Variants in SYNE1 observed in about 807,000 individuals in gnomAD.
The protein encoded by SYNE1 is spectrin repeat containing nuclear envelope protein 1.
A neutral mutation model predicts 1,111.0 loss-of-function variants in SYNE1; 616 were observed. The observed-to-expected ratio is 0.55, with a 90% CI of 0.52 to 0.59. SYNE1 has a LOEUF of 0.59. Among genes scored for constraint, SYNE1 ranks in the 20% least tolerant of loss-of-function variants. The pLI, the probability that SYNE1 is intolerant of heterozygous loss-of-function variation, is 0.00. For synonymous variants in SYNE1, 3,855 were observed against 3,825.8 expected (o/e 1.01, Z -0.28); for missense variants, 10,006 against 10,417.0 (o/e 0.96, Z 1.72).
chr6:152,122,758 A>C (rs1280559848), intron 145 of SYNE1, 82 bp from the exon 146 acceptor site: 34 of 1,599,904 alleles, frequency 2.1e-5, no homozygotes, highest in Admixed American at 3.3e-5. Flanking sequence ...CCTTCCTGGA[A>C]GCTAAAGGGC....
chr6:152,564,701 A>G (rs113468490), intron 3 of SYNE1, among the ~76,000 whole-genome samples: 56 of 143,212 alleles, frequency 3.9e-4, no homozygotes, highest in East Asian at 1.9e-3. Flanking sequence ...ATTTCTAGGG[A>G]AAAAAAAATC....
chr6:152,434,812 A>G (rs2098458523), intron 33 of SYNE1: 1 of 152,164 alleles, frequency 6.6e-6, no homozygotes, highest in Non-Finnish European at 1.5e-5. Flanking sequence ...AGGCACTTGA[A>G]GACATCAAGA....
chr6:152,323,587 T>C lies in SYNE1; in HGVS notation c.15808A>G (p.Met5270Val), dbSNP rs1415096430. 2 of 1,614,232 alleles carry C rather than the reference T, an allele frequency of 1.2e-6. No individual in the cohort carries two copies. Among genetic ancestry groups the C allele is most frequent in the South Asian group, 1.1e-5 (1 of 91,086 alleles). The part of the protein sequence containing the change: ...ELEQQQSALG[M>V]LRQQTLSMLQ... Reference sequence around the variant, plus strand: ...ATGCTCAGGGTTTGCTGCCGCAGCATGCCCAAGGCCGACTGCTGCTGCTCC... The same window carrying C: ...ATGCTCAGGGTTTGCTGCCGCAGCACGCCCAAGGCCGACTGCTGCTGCTCC... Residue 5270 changes from methionine to valine, a missense_variant, in exon 82 of 146, where the codon ATG becomes GTG. Around this residue, in one of 7 missense-constraint regions of SYNE1, gnomAD observed 4,955 missense variants for 5,017.2 expected, o/e 0.99. Transcript: ENST00000367255.
chr6:152,509,248 C>CTTTTTTTTTTT (rs11305679), intron 8 of SYNE1, among the ~76,000 whole-genome samples: 6 of 75,756 alleles, frequency 7.9e-5, no homozygotes, highest in Non-Finnish European at 1.1e-4. Flanking sequence ...TTTTCTTTTT[C>CTTTTTTTTTTT]TTTTTTTTTT....
In SYNE1 at chr6:152,442,146, C is replaced by T. The variant is rs781736669; in HGVS notation, c.3937G>A (p.Glu1313Lys). 13 of 1,612,112 alleles carry T rather than the reference C, an allele frequency of 8.1e-6. No individual in the cohort carries two copies. Among genetic ancestry groups the T allele is most frequent in the Middle Eastern group, 1.7e-4 (1 of 6,058 alleles). Residue 1313 changes from glutamate (E) to lysine (K), a missense_variant, in exon 31 of 146, where the codon GAG becomes AAG. This residue lies in a region of SYNE1 where 1,971 missense variants were observed against 2,084.1 expected (regional missense o/e 0.95). Coordinates refer to ENST00000367255, the MANE Select transcript of SYNE1 (RefSeq NM_182961.4). Reference protein sequence around the residue: ...EGGLPDRGHEELRKLESTLDG... With the variant: ...EGGLPDRGHEKLRKLESTLDG... Reference sequence around the variant, plus strand: ...AGTGTGCTCTCCAGCTTCCGCAGCTCCTCGTGGCCTCGGTCAGGCAGCCCC... The same window carrying T: ...AGTGTGCTCTCCAGCTTCCGCAGCTTCTCGTGGCCTCGGTCAGGCAGCCCC...
At chr6:152,607,894 G>A (rs1271449321) in intron 3 of SYNE1, among the ~76,000 whole-genome samples, 1 of 152,204 alleles carries the variant, frequency 6.6e-6, no homozygotes, top group Non-Finnish European at 1.5e-5. Flanking sequence ...GGATATGAAT[G>A]AAGCTGGAAG....
At chr6:152,266,641 T>G (rs563936134) in intron 100 of SYNE1, among the ~76,000 whole-genome samples, 1 of 152,218 alleles carries the variant, frequency 6.6e-6, no homozygotes, top group East Asian at 1.9e-4. Context: ...ATACTATTCA[T>G]TCCTATTCTT....
chr6:152,185,439 T>C (rs1412291182), intron 128 of SYNE1: 1 of 152,188 alleles, frequency 6.6e-6, no homozygotes, highest in East Asian at 1.9e-4. Flanking sequence ...TCATTTCCTT[T>C]TGTGGTTTCA....
At chr6:152,285,059 C>A (rs73007766) in intron 95 of SYNE1, among the ~76,000 whole-genome samples, 7,342 of 152,232 alleles carry the variant, frequency 0.048, 248 homozygotes, top group Non-Finnish European at 0.072. Flanking sequence ...ACCCAGACAC[C>A]TGCCCTAAGT....
chr6:152,310,667 C>CTTTTTTT, intron 88 of SYNE1, 21 bp downstream of exon 88: 2 of 1,509,530 alleles, frequency 1.3e-6, no homozygotes, highest in Non-Finnish European at 1.8e-6. Flanking sequence ...TTTTCTGTTT[C>CTTTTTTT]TTTTTTTTTT....
At position 152,284,088 on chromosome 6, in the gene SYNE1, A is replaced by G. The variant is rs2094185006; in HGVS notation, c.18097T>C (p.Cys6033Arg). ...SLAEELVSES[C>R]EADPAEQLAL... ...AGCTGCTCCGCAGGGTCGGCCTCACAAGACTCGGATACCAGCTCCTCTGCG... is the reference window on the plus strand; with the variant it reads ...AGCTGCTCCGCAGGGTCGGCCTCACGAGACTCGGATACCAGCTCCTCTGCG... The change falls in exon 96 of 146, where the codon TGT (cysteine) becomes CGT (arginine). Residue 6033 changes from cysteine to arginine, a missense_variant. Coordinates refer to ENST00000367255, the MANE Select transcript of SYNE1 (RefSeq NM_182961.4). 2.5e-6 allele frequency: 4 copies of G among 1,614,066 alleles called. No homozygotes were observed. Among genetic ancestry groups the G allele is most frequent in the Non-Finnish European group, 3.4e-6 (4 of 1,180,036 alleles).
intron 63 of SYNE1, among the ~76,000 whole-genome samples, chr6:152,364,535 A>T (rs1303473190): frequency 6.6e-6 from 1 of 152,010 alleles, no homozygotes; most frequent in Non-Finnish European, 1.5e-5. Flanking sequence ...TTGGCACAGT[A>T]TTCAGGTCAA....
chr6:152,445,339 C>T (rs1005208996), intron 29 of SYNE1, among the ~76,000 whole-genome samples: 15 of 151,988 alleles, frequency 9.9e-5, no homozygotes, highest in Non-Finnish European at 2.1e-4. Flanking sequence ...ATATAATTTA[C>T]AATTTTGTAG....
intron 3 of SYNE1, among the ~76,000 whole-genome samples, chr6:152,570,850 A>G (rs925372384): frequency 6.6e-6 from 1 of 152,172 alleles, no homozygotes; most frequent in African/African-American, 2.4e-5. Flanking sequence ...AGCAAACAAA[A>G]AAACTCCTAC....
intron 3 of SYNE1, among the ~76,000 whole-genome samples, chr6:152,581,448 T>A (rs570765890): frequency 2.3e-4 from 35 of 152,292 alleles, no homozygotes; most frequent in Admixed American, 8.5e-4. Context: ...AAGTAGCCAC[T>A]GCATCCTAAA....
chr6:152,305,519 T>TC (rs1236094122), intron 91 of SYNE1, among the ~76,000 whole-genome samples: 4 of 152,138 alleles, frequency 2.6e-5, no homozygotes, highest in African/African-American at 9.7e-5. Context: ...CGCCTTGGCC[T>TC]CCGAAAAGTA....
At chr6:152,276,527 G>C (rs2093637186) in intron 98 of SYNE1, among the ~76,000 whole-genome samples, 1 of 151,832 alleles carries the variant, frequency 6.6e-6, no homozygotes, top group Admixed American at 6.6e-5. Context: ...AAAATACATA[G>C]GTTAGTCCTA....
At chr6:152,294,226 C>G in intron 93 of SYNE1, 99 bp from the exon 94 acceptor site, 33 of 1,252,202 alleles carry the variant, frequency 2.6e-5, no homozygotes, top group Non-Finnish European at 2.0e-5. Context: ...GGTTTCAGAT[C>G]TACACCTTTC....
intron 87 of SYNE1, chr6:152,311,178 A>T: frequency 2.6e-6 from 1 of 382,708 alleles, no homozygotes; most frequent in Non-Finnish European, 4.8e-6. Context: ...GGACATAGGA[A>T]TTCTAGCAGT....
Sources: gnomAD v4.1 joint callset for allele counts (sites outside exome capture counted in the v4.1 genomes callset) on GRCh38, gnomAD v4.1.1 for gene constraint, gnomAD v4.1.1 regional missense constraint, MANE v1.5 for transcripts, NCBI Gene and HGNC (gene_info 2026-07-23, HGNC 2026-07-21) for gene names.